PHF21B: variants seen among roughly 807,000 people sequenced by gnomAD.
PHF21B encodes PHD finger protein 21B, also known as PHD finger protein 4.
A neutral mutation model predicts 62.2 loss-of-function variants in PHF21B; 22 were observed. The observed-to-expected ratio is 0.35, with a 90% CI of 0.25 to 0.51. The LOEUF (loss-of-function observed/expected upper bound fraction) is 0.51. Ranked by LOEUF, PHF21B falls within the 20% of genes least tolerant of loss-of-function variation. The pLI is 0.97. For missense variants in PHF21B, 701 were observed against 707.9 expected (o/e 0.99, Z 0.11); for synonymous variants, 341 against 314.7 (o/e 1.08, Z -0.88).
chr22:44,997,831 C>T (rs1019588496), intron 2 of PHF21B, among the ~76,000 whole-genome samples: 9 of 152,178 alleles, frequency 5.9e-5, no homozygotes, highest in East Asian at 3.9e-4. Context: ...CACCCAGGGG[C>T]GGCCTCCTCA....
Position 44,909,039 on chromosome 22 carries a change from C to T in PHF21B, c.831+4783G>A, listed in dbSNP as rs564013863. On this transcript the variant is annotated intron_variant, in intron 5 of 12. Transcript: ENST00000313237. The stretch of plus-strand genomic sequence containing the variant: ...TCTTGAACTCCTGACCTCAGATGAC[C>T]CGCCCACCTTGGCCTCCCAAAGTGC... Among the ~76,000 whole-genome samples the T allele has an allele frequency of 2.5e-4, 38 of 152,230 alleles. No individual in the cohort carries two copies. In the South Asian group the frequency reaches 7.3e-3, roughly 29 times the overall value.
chr22:44,942,376 C>T (rs1016770659), intron 2 of PHF21B, among the ~76,000 whole-genome samples: 2 of 152,136 alleles, frequency 1.3e-5, no homozygotes, highest in Non-Finnish European at 2.9e-5. Flanking sequence ...ACACACAGCT[C>T]GGGGACAAGA....
intron 2 of PHF21B, among the ~76,000 whole-genome samples, chr22:44,984,104 TCACCACCATAAC>T (rs2072893872): frequency 7.2e-6 from 1 of 138,362 alleles, no homozygotes. Flanking sequence ...ATCACCATCA[TCACCACCATAAC>T]CACCATCACC....
At chr22:44,957,127 T>C (rs1044324917) in intron 2 of PHF21B, among the ~76,000 whole-genome samples, 8 of 152,058 alleles carry the variant, frequency 5.3e-5, no homozygotes, top group African/African-American at 1.9e-4. Context: ...AGCTGCCTCG[T>C]CCTGCGCATT....
chr22:44,972,952 C>T (rs1231673537), intron 2 of PHF21B, among the ~76,000 whole-genome samples: 1 of 152,196 alleles, frequency 6.6e-6, no homozygotes, highest in Non-Finnish European at 1.5e-5. Flanking sequence ...GATGAGGAGG[C>T]ACACCCTCCC....
At chr22:44,925,936 G>GGGGCGGGAGGC (rs1251585510) in intron 2 of PHF21B, among the ~76,000 whole-genome samples, 2 of 117,756 alleles carry the variant, frequency 1.7e-5, no homozygotes, top group Non-Finnish European at 3.9e-5. Flanking sequence ...CCAGACTGTG[G>GGGGCGGGAGGC]GGGCGGGAGG....
chr22:45,006,224 A>C (rs891002027), intron 2 of PHF21B, among the ~76,000 whole-genome samples: 4 of 152,206 alleles, frequency 2.6e-5, no homozygotes, highest in African/African-American at 9.7e-5. Context: ...AGGGAAATGG[A>C]AAAACAACAC....
chr22:44,994,249 T>C (rs2073084652), intron 2 of PHF21B, among the ~76,000 whole-genome samples: 1 of 152,248 alleles, frequency 6.6e-6, no homozygotes, highest in South Asian at 2.1e-4. Context: ...AATAGGGTCA[T>C]TACAGATGTA....
chr22:44,932,248 G>A (rs1298146793), intron 2 of PHF21B, among the ~76,000 whole-genome samples: 3 of 152,214 alleles, frequency 2.0e-5, no homozygotes, highest in Admixed American at 1.3e-4. Context: ...ATTGGGGGGC[G>A]AATGCCCCAC....
intron 2 of PHF21B, among the ~76,000 whole-genome samples, chr22:44,944,792 C>T (rs1361733782): frequency 7.0e-6 from 1 of 143,238 alleles, no homozygotes; most frequent in Non-Finnish European, 1.5e-5. Flanking sequence ...GAGGAAGAAA[C>T]CCTTTGCCCA....
chr22:44,938,137 C>T (rs1484106470), intron 2 of PHF21B, among the ~76,000 whole-genome samples: 2 of 152,248 alleles, frequency 1.3e-5, no homozygotes, highest in African/African-American at 2.4e-5. Flanking sequence ...TGTAGTACCT[C>T]GATCTCGGCT....
chr22:45,003,983 A>G (rs997466853), intron 2 of PHF21B, among the ~76,000 whole-genome samples: 1 of 152,140 alleles, frequency 6.6e-6, no homozygotes, highest in African/African-American at 2.4e-5. Context: ...ACACACATAC[A>G]TATATACACA....
chr22:44,995,676 G>C (rs141247637), intron 2 of PHF21B, among the ~76,000 whole-genome samples: 1 of 152,038 alleles, frequency 6.6e-6, no homozygotes, highest in Non-Finnish European at 1.5e-5. Flanking sequence ...TAGAATCTTC[G>C]GCGCGTCGAG....
At chr22:44,994,167 A>C (rs1422523321) in intron 2 of PHF21B, among the ~76,000 whole-genome samples, 1 of 152,244 alleles carries the variant, frequency 6.6e-6, no homozygotes, top group Admixed American at 6.5e-5. Flanking sequence ...CAGCTGGTGG[A>C]GATACTGGGT....
intron 2 of PHF21B, among the ~76,000 whole-genome samples, chr22:44,967,991 A>T (rs950760707): frequency 1.3e-5 from 2 of 152,118 alleles, no homozygotes; most frequent in African/African-American, 4.8e-5. Flanking sequence ...TACCATTTCC[A>T]TCACGTATCA....
chr22:44,940,509 A>C (rs2071935053), intron 2 of PHF21B, among the ~76,000 whole-genome samples: 1 of 152,248 alleles, frequency 6.6e-6, no homozygotes, highest in Non-Finnish European at 1.5e-5. Context: ...ATGAGGGACA[A>C]CTGAAAGGGA....
At chr22:45,008,293 C>G (rs2073362807) in intron 2 of PHF21B, 1 of 356,562 alleles carries the variant, frequency 2.8e-6, no homozygotes, top group South Asian at 1.1e-4. Flanking sequence ...AAAATGGACG[C>G]CGGGCCGCGC....
intron 2 of PHF21B, among the ~76,000 whole-genome samples, chr22:44,936,184 C>A (rs186182126): frequency 1.2e-4 from 19 of 152,248 alleles, no homozygotes; most frequent in African/African-American, 4.6e-4. Context: ...GCCAAGCCCC[C>A]TCCCGGGAGA....
intron 2 of PHF21B, among the ~76,000 whole-genome samples, chr22:44,954,460 A>AT (rs2072254950): frequency 6.6e-6 from 1 of 152,236 alleles, no homozygotes; most frequent in Non-Finnish European, 1.5e-5. Flanking sequence ...CAGTGAATGA[A>AT]GAAACAGCCG....
Sources: allele counts gnomAD v4.1 joint callset (sites outside exome capture counted in the v4.1 genomes callset), GRCh38; gene constraint gnomAD v4.1.1; transcripts MANE v1.5; gene names NCBI Gene and HGNC (gene_info 2026-07-23, HGNC 2026-07-21).